The following THSD4 variants were observed in gnomAD, a reference collection of about 807,000 sequenced individuals.
THSD4 encodes thrombospondin type 1 domain containing 4, also known as thrombospondin type-1 domain-containing protein 4.
THSD4 carries 69 observed loss-of-function variants against 119.0 expected under a neutral mutation model. That is an observed-to-expected ratio of 0.58 (90% confidence interval 0.48 to 0.71). THSD4 has a LOEUF of 0.71. THSD4 is among the 30% of genes least tolerant of loss of function. The probability of loss-of-function intolerance (pLI) is 0.00; values close to 1 mark genes in which losing one functional copy is unlikely to be tolerated. For missense variants in THSD4, 1,393 were observed against 1,391.1 expected (o/e 1.00, Z -0.02); for synonymous variants, 524 against 540.4 (o/e 0.97, Z 0.42).
intron 7 of THSD4, among the ~76,000 whole-genome samples, chr15:71,442,660 G>GTGTGTGTATGTATGTATATATATATA: frequency 1.6e-4 from 4 of 25,794 alleles, no homozygotes; most frequent in African/African-American, 2.2e-4. Flanking sequence ...GTGTGTGTGT[G>GTGTGTGTATGTATGTATATATATATA]TATATATATA....
chr15:71,295,150 ATCTC>A lies in THSD4; in HGVS notation c.1015+38436_1015+38439del, dbSNP rs1396782202. On this transcript the variant is annotated intron_variant, in intron 6 of 17. Coordinates refer to ENST00000261862, the MANE Select transcript of THSD4 (RefSeq NM_024817.3). ...TTTCAGATTAGGCAGGAAGGAAATC[ATCTC>A]CTACCTGGATTACTCAATATCTTCC... Among the ~76,000 whole-genome samples, 3 of 152,264 alleles carry A rather than the reference ATCTC, an allele frequency of 2.0e-5. No individual in the cohort carries two copies. In the East Asian group the frequency reaches 5.8e-4, roughly 29 times the overall value.
At chr15:71,365,944 C>G (rs1229238306) in intron 6 of THSD4, among the ~76,000 whole-genome samples, 2 of 152,144 alleles carry the variant, frequency 1.3e-5, no homozygotes, top group African/African-American at 2.4e-5. Context: ...TCAAAACTTG[C>G]TTTAAAGTTA....
intron 6 of THSD4, among the ~76,000 whole-genome samples, chr15:71,350,264 A>G (rs2045727069): frequency 6.6e-6 from 1 of 152,160 alleles, no homozygotes; most frequent in Admixed American, 6.5e-5. Context: ...CACTAAAAAT[A>G]TCTCAAAGTT....
intron 3 of THSD4, among the ~76,000 whole-genome samples, chr15:71,208,314 T>C (rs948731969): frequency 6.6e-6 from 1 of 152,096 alleles, no homozygotes; most frequent in African/African-American, 2.4e-5. Flanking sequence ...AACACTTCCA[T>C]AGAGCCGATC....
intron 7 of THSD4, among the ~76,000 whole-genome samples, chr15:71,541,267 G>C (rs2048756222): frequency 6.6e-6 from 1 of 152,016 alleles, no homozygotes; most frequent in Non-Finnish European, 1.5e-5. Context: ...ACATTCTTTT[G>C]CTTATACCAA....
chr15:71,600,776 C>G (rs1299550145), intron 7 of THSD4, among the ~76,000 whole-genome samples: 2 of 147,860 alleles, frequency 1.4e-5, no homozygotes, highest in Non-Finnish European at 3.0e-5. Context: ...GAGTCTTGCT[C>G]TGTCGCCTAG....
intron 7 of THSD4, among the ~76,000 whole-genome samples, chr15:71,599,037 T>C (rs1183118772): frequency 1.3e-5 from 2 of 152,126 alleles, no homozygotes; most frequent in Non-Finnish European, 2.9e-5. Flanking sequence ...CGACCTTTTT[T>C]CCCCCTCTGA....
At chr15:71,563,725 T>C (rs967729346) in intron 7 of THSD4, among the ~76,000 whole-genome samples, 1 of 152,236 alleles carries the variant, frequency 6.6e-6, no homozygotes, top group African/African-American at 2.4e-5. Flanking sequence ...ATGACCTTAG[T>C]AGATGTGGCT....
intron 8 of THSD4, among the ~76,000 whole-genome samples, chr15:71,719,923 G>C (rs1279551513): frequency 6.6e-6 from 1 of 151,682 alleles, no homozygotes; most frequent in Non-Finnish European, 1.5e-5. Context: ...CGATCTGCCT[G>C]CCTCGGCCTC....
chr15:71,281,817 AT>A (rs1170758424), intron 6 of THSD4, among the ~76,000 whole-genome samples: 1 of 152,202 alleles, frequency 6.6e-6, no homozygotes, highest in African/African-American at 2.4e-5. Context: ...ACCATGAGGA[AT>A]TTTGTATCTT....
intron 8 of THSD4, among the ~76,000 whole-genome samples, chr15:71,688,764 A>G (rs918641952): frequency 1.1e-4 from 17 of 148,462 alleles, no homozygotes; most frequent in Non-Finnish European, 2.2e-4. Context: ...CAAGAGAGAG[A>G]AGAGAGAGAG....
intron 7 of THSD4, among the ~76,000 whole-genome samples, chr15:71,568,923 GA>G (rs2140895823): frequency 6.6e-6 from 1 of 152,144 alleles, no homozygotes; most frequent in South Asian, 2.1e-4. Context: ...TCCTATGCAT[GA>G]TTTTTGTTAA....
Position 71,688,243 on chromosome 15 carries a change from T to C in THSD4, c.1357+27509T>C, listed in dbSNP as rs745604467. On this transcript the variant is annotated intron_variant, in intron 8 of 17. Transcript: ENST00000261862. Reference sequence around the variant, plus strand: ...CTTCTGTCTTGAGCCCCATCCAGAATTCTTCTGTTAATTTTTCTATAGTTC... The same window carrying C: ...CTTCTGTCTTGAGCCCCATCCAGAACTCTTCTGTTAATTTTTCTATAGTTC... Among the ~76,000 whole-genome samples, 57 of 152,368 alleles carry C rather than the reference T, an allele frequency of 3.7e-4. No homozygotes were observed. The Middle Eastern group carries it at 0.01, about 27-fold the overall frequency.
intron 8 of THSD4, among the ~76,000 whole-genome samples, chr15:71,728,000 T>C (rs1180268009): frequency 6.6e-6 from 1 of 152,074 alleles, no homozygotes; most frequent in African/African-American, 2.4e-5. Context: ...ATTGCTGCCA[T>C]GAGGGAGTGT....
At chr15:71,285,628 G>GATCA (rs2044705803) in intron 6 of THSD4, among the ~76,000 whole-genome samples, 3 of 152,066 alleles carry the variant, frequency 2.0e-5, no homozygotes, top group African/African-American at 7.2e-5. Context: ...GGCCAAGGTG[G>GATCA]GTGGATCACT....
At chr15:71,411,317 CTT>C (rs2046684332) in intron 6 of THSD4, among the ~76,000 whole-genome samples, 1 of 152,092 alleles carries the variant, frequency 6.6e-6, no homozygotes, top group Middle Eastern at 3.2e-3. Flanking sequence ...GAGCTGATAA[CTT>C]TAATGCACTT....
In THSD4 at chr15:71,442,111, A is replaced by G. The variant is rs570641939; in HGVS notation, c.1152+30288A>G. Among the ~76,000 whole-genome samples, 8 of 152,096 alleles carry G rather than the reference A, an allele frequency of 5.3e-5. No homozygotes were observed. In the East Asian group the frequency reaches 1.6e-3, roughly 30 times the overall value. ...GTAGTGGGGACTACAGGCATGCACC[A>G]CCATACCCAGCTAATTTTTTTGTAT... On this transcript the variant is annotated intron_variant, in intron 7 of 17. Transcript: ENST00000261862.
At chr15:71,701,693 C>T (rs1254848078) in intron 8 of THSD4, among the ~76,000 whole-genome samples, 1 of 151,840 alleles carries the variant, frequency 6.6e-6, no homozygotes, top group Non-Finnish European at 1.5e-5. Flanking sequence ...TAGTAGGGTC[C>T]CATTTTGTAT....
chr15:71,651,041 C>T (rs558028930), intron 7 of THSD4, among the ~76,000 whole-genome samples: 2 of 152,122 alleles, frequency 1.3e-5, no homozygotes, highest in African/African-American at 4.8e-5. Context: ...TAACTAAATT[C>T]GATGAATGAA....
Sources: allele counts gnomAD v4.1 joint callset (sites outside exome capture counted in the v4.1 genomes callset), GRCh38; gene constraint gnomAD v4.1.1; transcripts MANE v1.5; gene names NCBI Gene and HGNC (gene_info 2026-07-23, HGNC 2026-07-21).